NEB: variants seen among roughly 807,000 people sequenced by gnomAD.
NEB encodes the protein nebulin.
A neutral mutation model predicts 952.2 loss-of-function variants in NEB; 512 were observed. The observed-to-expected ratio is 0.54, with a 90% CI of 0.50 to 0.58. The LOEUF is 0.58. Among genes scored for constraint, NEB ranks in the 20% least tolerant of loss-of-function variants. The pLI, the probability that NEB is intolerant of heterozygous loss-of-function variation, is 0.00. For missense variants in NEB, 8,428 were observed against 9,231.1 expected, an observed-to-expected ratio of 0.91 and a Z score of 3.56; for synonymous variants, 2,900 against 3,149.8, an observed-to-expected ratio of 0.92 and a Z score of 2.66.
intron 65 of NEB, among the ~76,000 whole-genome samples, chr2:151,633,107 C>T (rs1165271415): frequency 6.6e-6 from 1 of 152,182 alleles, no homozygotes; most frequent in Non-Finnish European, 1.5e-5. Flanking sequence ...AAATGTGCCT[C>T]TCATATCCAG....
In NEB at chr2:151,517,284, C is replaced by T. The variant is rs139207731; in HGVS notation, c.22801-721G>A. Among the ~76,000 whole-genome samples the T allele has an allele frequency of 3.2e-4, 49 of 152,332 alleles. No homozygotes were observed. The Middle Eastern group carries it at 0.017, about 53-fold the overall frequency. On this transcript the variant is annotated intron_variant, in intron 156 of 181. Coordinates refer to ENST00000397345, the MANE Select transcript of NEB (RefSeq NM_001164508.2). ...ACTTCTGGAAAAACAGGCGAAGACC[C>T]TCATGCACGCAGCACCTTGATGGCA...
rs201082106 is a variant in NEB, at chr2:151,505,530, G to A, written c.23690C>T (p.Pro7897Leu). 1.9e-6 allele frequency: 3 copies of A among 1,613,832 alleles called. No individual in the cohort carries two copies. The highest frequency in any genetic ancestry group is 2.2e-5 in the East Asian group (1 of 44,886). ...CACACGTTTCACTTCAGGCAGGTCA[G>A]GGATTGGAGTTCCTTGTCCTATTGC... ...KEAIGQGTPI[P>L]DLPEVKRVKE... Residue 7897 changes from proline (P) to leucine (L), a missense_variant, in exon 165 of 182, where the codon CCT (proline) becomes CTT (leucine). By Grantham distance (98) the Pro-to-Leu change is moderately conservative. Transcript: ENST00000397345.
In NEB at chr2:151,606,616, A is replaced by T; in HGVS notation, c.12737T>A (p.Ile4246Asn). 3.4e-6 allele frequency: 3 copies of T among 878,546 alleles called. 1 individual carries two copies. Among genetic ancestry groups the T allele is most frequent in the Non-Finnish European group, 4.9e-6 (3 of 612,586 alleles). 54.4% of individuals were successfully genotyped at this position (878,546 alleles called of 1,614,324 possible). ...GAGAAGGAAGCGTACCTCACTGGCA[A>T]TTTCTCTGGAGGCCTTGGCGTGCTT... ...EIKHAKASRE[I>N]ASEYKYKEGY... Residue 4246 changes from isoleucine (I) to asparagine (N), a missense_variant, in exon 84 of 182, where the codon ATT (isoleucine) becomes AAT (asparagine). Transcript: ENST00000397345.
chr2:151,625,163 T>C (rs1449714528), intron 71 of NEB, among the ~76,000 whole-genome samples: 1 of 152,222 alleles, frequency 6.6e-6, no homozygotes, highest in Non-Finnish European at 1.5e-5. Flanking sequence ...TTAATCCTAT[T>C]TTACAGATGA....
chr2:151,617,487 A>AAAG lies in NEB; in HGVS notation c.11077-20_11077-19insCTT, dbSNP rs1553905612. 1.8e-5 allele frequency: 19 copies of AAAG among 1,035,930 alleles called. No homozygotes were observed. Among genetic ancestry groups the AAAG allele is most frequent in the South Asian group, 8.6e-5 (5 of 58,080 alleles). 64.2% of individuals were successfully genotyped at this position (1,035,930 alleles called of 1,614,324 possible). On this transcript the variant is annotated intron_variant, in intron 74 of 181. Transcript: ENST00000397345. The stretch of plus-strand genomic sequence containing the variant: ...ATAAGCGCTACAAAAAAAAAAAAAA[A>AAAG]AGAGAGAGAGAGAGAGAAAAATTAT...
Position 151,692,097 on chromosome 2 carries a change from G to T in NEB, c.2068C>A (p.His690Asn). 2 of 1,613,958 alleles carry T rather than the reference G, an allele frequency of 1.2e-6. No homozygotes were observed. Among genetic ancestry groups the T allele is most frequent in the Non-Finnish European group, 1.7e-6 (2 of 1,179,854 alleles). ...GCTGCAACTTTCATGCAGTGTGTGT[G>T]ATATGGGTCCTCCATGCTGCCTACA... is the stretch of plus-strand genomic sequence containing the variant. ...HYVGSMEDPY[H>N]THCMKVAAQN... is the part of the protein sequence containing the mutation. Residue 690 changes from histidine (H) to asparagine (N), a missense_variant, in exon 22 of 182, where the codon CAC (histidine) becomes AAC (asparagine). Transcript: ENST00000397345.
intron 142 of NEB, among the ~76,000 whole-genome samples, chr2:151,533,887 TTTG>T (rs748833645): frequency 2.6e-5 from 4 of 152,252 alleles, no homozygotes; most frequent in Non-Finnish European, 5.9e-5. Flanking sequence ...TTGTTTGTTT[TTTG>T]TTGTTGTTTG....
chr2:151,626,256 A>G (rs2098522627), intron 70 of NEB, among the ~76,000 whole-genome samples: 2 of 151,834 alleles, frequency 1.3e-5, no homozygotes, highest in South Asian at 4.2e-4. Flanking sequence ...CTAAGACTAG[A>G]GGTGCGTGTC....
Position 151,671,122 on chromosome 2 carries a change from C to G in NEB, c.4407G>C (p.Glu1469Asp), listed in dbSNP as rs34800215. Residue 1469 changes from glutamate to aspartate, a missense_variant, in exon 38 of 182, where the codon GAG becomes GAC. Glu to Asp is a conservative substitution (Grantham distance 45). Coordinates refer to ENST00000397345, the MANE Select transcript of NEB (RefSeq NM_001164508.2). ...TATCTGGGTGCTGTCGATACTTCCT[C>G]TCATTTAATGCATCGCCTGCTTTCT... is the stretch of plus-strand genomic sequence containing the variant. ...KVKKAGDALN[E>D]RKYRQHPDTV... 31,142 of 1,613,902 alleles carry G rather than the reference C, an allele frequency of 0.019. 428 individuals carry two copies. Among genetic ancestry groups the G allele is most frequent in the African/African-American group, 0.053 (3,988 of 75,040 alleles).
intron 61 of NEB, 51 bp downstream of exon 61, chr2:151,640,304 G>A: frequency 1.9e-6 from 3 of 1,590,550 alleles, no homozygotes; most frequent in South Asian, 2.3e-5. Flanking sequence ...TCTCCAAGGG[G>A]TGTTAAATAA....
chr2:151,540,413 G>T lies in NEB; in HGVS notation c.20823C>A (p.Asp6941Glu), dbSNP rs1461697898. 6.3e-7 allele frequency: 1 copy of T among 1,578,266 alleles called. No individual in the cohort carries two copies. The highest frequency in any genetic ancestry group is 1.8e-5 in the Admixed American group (1 of 54,942). The change falls in exon 138 of 182, where the codon GAC becomes GAA. Residue 6941 changes from aspartate to glutamate, a missense_variant. Asp to Glu is a conservative substitution (Grantham distance 45, BLOSUM62 2). Transcript: ENST00000397345. Reference sequence around the variant, plus strand: ...GCGTATCTGGAACCGGAGTGTACTTGTCTTTCATCTTTTCATATTGAATCT... The same window carrying T: ...GCGTATCTGGAACCGGAGTGTACTTTTCTTTCATCTTTTCATATTGAATCT... ...KYKIQYEKMKDKYTPVPDTPI... is the reference protein window; with the variant it reads ...KYKIQYEKMKEKYTPVPDTPI...
chr2:151,546,580 CAG>C (rs1463450193), intron 133 of NEB, 137 bp from the exon 134 acceptor site: 11 of 519,490 alleles, frequency 2.1e-5, no homozygotes, highest in Non-Finnish European at 3.6e-5. Flanking sequence ...TTTTTTGAGA[CAG>C]AGTTTCATTC....
At chr2:151,634,485 T>TA (rs1268813346) in intron 64 of NEB, among the ~76,000 whole-genome samples, 14 of 151,736 alleles carry the variant, frequency 9.2e-5, no homozygotes, top group South Asian at 2.1e-4. Flanking sequence ...CTACTAAAAA[T>TA]AAAAAAATAA....
rs577168374 is a variant in NEB at position 151,503,643 on chromosome 2, G to A, written c.23743-202C>T. On this transcript the variant is annotated intron_variant, in intron 165 of 181. Transcript: ENST00000397345. The stretch of plus-strand genomic sequence containing the variant: ...AAAAATTTTTACTACTTTGAAAACT[G>A]GGCACTAAATTATGCATTTTCTGTA... Among the ~76,000 whole-genome samples the A allele has an allele frequency of 1.4e-4, 22 of 152,160 alleles. No homozygotes were observed. In the South Asian group the frequency reaches 4.4e-3, roughly 30 times the overall value.
intron 39 of NEB, among the ~76,000 whole-genome samples, chr2:151,668,123 T>C (rs2099243105): frequency 6.6e-6 from 1 of 152,196 alleles, no homozygotes; most frequent in African/African-American, 2.4e-5. Flanking sequence ...TCTCAACTGA[T>C]CAAAAAATGT....
At chr2:151,691,772 T>C in intron 23 of NEB, 92 bp downstream of exon 23, 1 of 950,746 alleles carries the variant, frequency 1.1e-6, no homozygotes, top group South Asian at 1.4e-5. Flanking sequence ...TTCTAATCAC[T>C]AGATATTAGC....
chr2:151,572,510 TATATATATATAAA>T (rs2096668590), intron 107 of NEB, among the ~76,000 whole-genome samples: 1 of 145,532 alleles, frequency 6.9e-6, no homozygotes, highest in Non-Finnish European at 1.5e-5. Flanking sequence ...TGAATATTTA[TATATATATATAAA>T]ATATATATAT....
chr2:151,649,737 G>C (rs2099009421), intron 54 of NEB, among the ~76,000 whole-genome samples: 1 of 152,174 alleles, frequency 6.6e-6, no homozygotes, highest in African/African-American at 2.4e-5. Flanking sequence ...TACAGTGACA[G>C]AATTATCCAT....
In NEB at chr2:151,664,781, A is replaced by C. The variant is rs757890938; in HGVS notation, c.5321T>G (p.Val1774Gly). 1.2e-6 allele frequency: 2 copies of C among 1,611,642 alleles called. No homozygotes were observed. Among genetic ancestry groups the C allele is most frequent in the South Asian group, 2.2e-5 (2 of 90,738 alleles). The change falls in exon 43 of 182, where the codon GTA becomes GGA. Residue 1774 changes from valine (V) to glycine (G), a missense_variant. Physicochemically the swap from Val to Gly is moderately radical, Grantham distance 109 (BLOSUM62 -3). Coordinates refer to ENST00000397345, the MANE Select transcript of NEB (RefSeq NM_001164508.2). ...TACATCACTCATGGTGATTTGGTTT[A>C]CTCTGGAGAGTAAAATATCCGGTGT... is the stretch of plus-strand genomic sequence containing the variant. ...PDTPDILLSR[V>G]NQITMSDKLY... is the part of the protein sequence containing the mutation.
Sources: allele counts gnomAD v4.1 joint callset (sites outside exome capture counted in the v4.1 genomes callset), GRCh38; gene constraint gnomAD v4.1.1; transcripts MANE v1.5; gene names NCBI Gene and HGNC (gene_info 2026-07-23, HGNC 2026-07-21).